The following C8orf34 variants were observed in gnomAD, a reference collection of about 807,000 sequenced individuals.
C8orf34 encodes the protein chromosome 8 open reading frame 34, also known as uncharacterized protein C8orf34.
C8orf34 carries 65 observed loss-of-function variants against 68.3 expected under a neutral mutation model. The observed-to-expected ratio is 0.95, with a 90% CI of 0.78 to 1.17. The LOEUF (loss-of-function observed/expected upper bound fraction) is 1.17. Among genes scored for constraint, C8orf34 ranks in the 50% most tolerant of loss-of-function variants. The probability of loss-of-function intolerance (pLI) is 0.00; values close to 1 mark genes in which losing one functional copy is unlikely to be tolerated. For missense variants in C8orf34, 664 were observed against 655.4 expected (o/e 1.01, Z -0.14); for synonymous variants, 244 against 241.2 (o/e 1.01, Z -0.11).
At chr8:68,466,738 C>CAG (rs1812154945) in intron 3 of C8orf34, among the ~76,000 whole-genome samples, 1 of 120,628 alleles carries the variant, frequency 8.3e-6, no homozygotes, top group Non-Finnish European at 1.7e-5. Context: ...CAACGTTGTA[C>CAG]ATATATATAT....
At chr8:68,766,952 G>A (rs1269344630) in intron 10 of C8orf34, among the ~76,000 whole-genome samples, 1 of 152,188 alleles carries the variant, frequency 6.6e-6, no homozygotes, top group Non-Finnish European at 1.5e-5. Flanking sequence ...GGGAGGCTGA[G>A]GTGTGCGGAT....
intron 11 of C8orf34, among the ~76,000 whole-genome samples, chr8:68,780,630 A>G (rs1823647971): frequency 6.6e-6 from 1 of 152,162 alleles, no homozygotes; most frequent in South Asian, 2.1e-4. Flanking sequence ...TAATTCACTT[A>G]AAAATTGTGG....
chr8:68,587,909 C>A (rs1012792063), intron 7 of C8orf34, among the ~76,000 whole-genome samples: 1 of 152,040 alleles, frequency 6.6e-6, no homozygotes, highest in Admixed American at 6.6e-5. Context: ...TCTCAGACTG[C>A]ATTCAAAGCA....
chr8:68,439,772 G>C, intron 2 of C8orf34, 126 bp downstream of exon 2: 1 of 836,256 alleles, frequency 1.2e-6, no homozygotes, highest in Non-Finnish European at 1.8e-6. Context: ...GTTCATCTCT[G>C]ACCTTACCTA....
chr8:68,589,836 A>G (rs947065027), intron 7 of C8orf34, among the ~76,000 whole-genome samples: 4 of 141,860 alleles, frequency 2.8e-5, no homozygotes, highest in African/African-American at 1.1e-4. Context: ...GAAGGAAGGA[A>G]GTAAAAAGAA....
At chr8:68,799,866 G>A (rs1824279199) in intron 12 of C8orf34, among the ~76,000 whole-genome samples, 1 of 152,146 alleles carries the variant, frequency 6.6e-6, no homozygotes, top group South Asian at 2.1e-4. Flanking sequence ...TGAGGCAAAT[G>A]GTGTTTGAAC....
intron 7 of C8orf34, among the ~76,000 whole-genome samples, chr8:68,612,878 C>A (rs1818064242): frequency 6.6e-6 from 1 of 151,978 alleles, no homozygotes; most frequent in Admixed American, 6.6e-5. Flanking sequence ...TAAATAATAA[C>A]AGTGATAAAT....
intron 8 of C8orf34, among the ~76,000 whole-genome samples, 198 bp from the exon 9 acceptor site, chr8:68,708,796 A>G (rs1821248205): frequency 6.6e-6 from 1 of 152,236 alleles, no homozygotes; most frequent in South Asian, 2.1e-4. Context: ...AACAGGAAGT[A>G]TAGAAGACTT....
chr8:68,816,720 A>G (rs1164362900), intron 13 of C8orf34, among the ~76,000 whole-genome samples: 6 of 152,192 alleles, frequency 3.9e-5, no homozygotes, highest in Non-Finnish European at 8.8e-5. Flanking sequence ...ATCTAAATAA[A>G]TAATTTCTTC....
chr8:68,732,128 C>T (rs1821995111), intron 10 of C8orf34, among the ~76,000 whole-genome samples: 2 of 152,202 alleles, frequency 1.3e-5, no homozygotes, highest in Admixed American at 6.5e-5. Context: ...CAGTCAGTGT[C>T]TCAATGTTTT....
At position 68,459,223 on chromosome 8, in the gene C8orf34, C is replaced by T. The variant is rs185707241; in HGVS notation, c.608-9469C>T. Among the ~76,000 whole-genome samples, 326 of 152,030 alleles carry T rather than the reference C, an allele frequency of 2.1e-3. 1 individual carries two copies. Among genetic ancestry groups the T allele is most frequent in the African/African-American group, 7.1e-3 (293 of 41,494 alleles). On this transcript the variant is annotated intron_variant, in intron 3 of 13. Transcript: ENST00000518698. The stretch of plus-strand genomic sequence containing the variant: ...GAAAAGGGAACTCAGGGAACTCTTT[C>T]ATTTTCTTTTTTTCTTTTTTTTCTG...
chr8:68,382,991 A>G (rs1374107276), intron 1 of C8orf34, among the ~76,000 whole-genome samples: 1 of 152,200 alleles, frequency 6.6e-6, no homozygotes, highest in Non-Finnish European at 1.5e-5. Flanking sequence ...CTCCACTCTC[A>G]TGATCAGAAG....
intron 1 of C8orf34, among the ~76,000 whole-genome samples, chr8:68,374,137 G>A (rs1459929998): frequency 4.6e-5 from 7 of 152,034 alleles, no homozygotes; most frequent in South Asian, 2.1e-4. Context: ...ATGGTCTTGC[G>A]CTACTGGCCT....
chr8:68,372,334 G>A (rs1807596764), intron 1 of C8orf34, among the ~76,000 whole-genome samples: 1 of 152,124 alleles, frequency 6.6e-6, no homozygotes, highest in Admixed American at 6.6e-5. Flanking sequence ...TACCCCTAAA[G>A]CCCAGGGAAA....
At chr8:68,809,041 A>G (rs1000231621) in intron 12 of C8orf34, among the ~76,000 whole-genome samples, 36 of 152,014 alleles carry the variant, frequency 2.4e-4, no homozygotes, top group Admixed American at 1.7e-3. Context: ...ATGAAGTGGA[A>G]AAAAACCTGG....
At chr8:68,571,830 A>G (rs982955084) in intron 7 of C8orf34, among the ~76,000 whole-genome samples, 1 of 152,180 alleles carries the variant, frequency 6.6e-6, no homozygotes, top group Non-Finnish European at 1.5e-5. Context: ...CCAAATGTGA[A>G]TTTTTGAAGA....
intron 7 of C8orf34, among the ~76,000 whole-genome samples, chr8:68,543,574 C>T (rs1193709169): frequency 6.6e-6 from 1 of 152,022 alleles, no homozygotes; most frequent in Non-Finnish European, 1.5e-5. Context: ...TTATTCTCAC[C>T]ACAGAAAAGG....
chr8:68,478,589 A>C (rs1321357595), intron 4 of C8orf34, among the ~76,000 whole-genome samples: 1 of 152,230 alleles, frequency 6.6e-6, no homozygotes, highest in African/African-American at 2.4e-5. Context: ...CTATAAAGAA[A>C]TGCCTGAGAC....
chr8:68,334,591 A>C (rs1805767883), intron 1 of C8orf34, among the ~76,000 whole-genome samples: 1 of 152,094 alleles, frequency 6.6e-6, no homozygotes, highest in Non-Finnish European at 1.5e-5. Flanking sequence ...GATCACACTC[A>C]CAAGAGTGTG....
Sources: allele counts gnomAD v4.1 joint callset (sites outside exome capture counted in the v4.1 genomes callset), GRCh38; gene constraint gnomAD v4.1.1; transcripts MANE v1.5; gene names NCBI Gene and HGNC (gene_info 2026-07-23, HGNC 2026-07-21).